KIAA1217: variants seen among roughly 807,000 people sequenced by gnomAD.
The protein encoded by KIAA1217 is sickle tail protein homolog.
KIAA1217 carries 88 observed loss-of-function variants against 163.9 expected under a neutral mutation model. The observed-to-expected ratio is 0.54, with a 90% confidence interval of 0.45 to 0.64. The LOEUF is 0.64. Ranked by LOEUF, KIAA1217 falls within the 30% of genes least tolerant of loss-of-function variation. The probability of loss-of-function intolerance (pLI) is 0.00; values close to 1 mark genes in which losing one functional copy is unlikely to be tolerated. For synonymous variants in KIAA1217, 903 were observed against 923.1 expected (o/e 0.98, Z 0.39); for missense variants, 2,372 against 2,475.0 (o/e 0.96, Z 0.88).
intron 2 of KIAA1217, among the ~76,000 whole-genome samples, chr10:24,013,612 A>G (rs1421005735): frequency 1.3e-5 from 2 of 152,162 alleles, no homozygotes. Flanking sequence ...GAGTGGCTCT[A>G]TTATGTGCAG....
At chr10:24,015,696 A>C (rs976898314) in intron 2 of KIAA1217, among the ~76,000 whole-genome samples, 1 of 151,326 alleles carries the variant, frequency 6.6e-6, no homozygotes, top group Non-Finnish European at 1.5e-5. Context: ...CAGAGGTTGC[A>C]GTGAGCCAAG....
At chr10:23,774,001 A>C (rs577031066) in intron 1 of KIAA1217, among the ~76,000 whole-genome samples, 31 of 152,260 alleles carry the variant, frequency 2.0e-4, no homozygotes, top group African/African-American at 7.2e-4. Flanking sequence ...ACTATGTTGA[A>C]TAGGAGTGGT....
At chr10:23,719,552 G>T (rs1377211838) in intron 1 of KIAA1217, among the ~76,000 whole-genome samples, 1 of 149,268 alleles carries the variant, frequency 6.7e-6, no homozygotes, top group African/African-American at 2.6e-5. Context: ...CTGCACTCCA[G>T]CCTGGGTGAC....
chr10:24,170,450 T>C (rs1243547441), intron 2 of KIAA1217, among the ~76,000 whole-genome samples: 2 of 152,236 alleles, frequency 1.3e-5, no homozygotes, highest in East Asian at 1.9e-4. Flanking sequence ...GGGAACTTCA[T>C]TATTTTCCTG....
intron 1 of KIAA1217, among the ~76,000 whole-genome samples, chr10:23,892,693 G>A (rs565800793): frequency 6.6e-6 from 1 of 151,876 alleles, no homozygotes; most frequent in African/African-American, 2.4e-5. Context: ...AATAATGATA[G>A]CTTATTTTTT....
chr10:23,839,846 G>A (rs1424305933), intron 1 of KIAA1217, among the ~76,000 whole-genome samples: 4 of 152,086 alleles, frequency 2.6e-5, no homozygotes, highest in Admixed American at 2.0e-4. Flanking sequence ...TGCTCCATTA[G>A]AAATCCCCCA....
At chr10:24,489,538 C>CA (rs745874004) in intron 6 of KIAA1217, among the ~76,000 whole-genome samples, 414 of 133,222 alleles carry the variant, frequency 3.1e-3, no homozygotes, top group South Asian at 8.0e-3. Flanking sequence ...AGTCTCTAGT[C>CA]AAAAAAAAAA....
chr10:24,115,381 G>C (rs1033073145), intron 2 of KIAA1217, among the ~76,000 whole-genome samples: 2 of 152,164 alleles, frequency 1.3e-5, no homozygotes, highest in African/African-American at 4.8e-5. Flanking sequence ...TGGAGTTTAG[G>C]AAAATTAAAG....
At chr10:24,243,659 T>TGC (rs1554770371) in intron 2 of KIAA1217, among the ~76,000 whole-genome samples, 1 of 151,088 alleles carries the variant, frequency 6.6e-6, no homozygotes, top group Non-Finnish European at 1.5e-5. Flanking sequence ...TATATATATA[T>TGC]ACACATCTAT....
chr10:24,251,731 G>C (rs1231015794), intron 2 of KIAA1217, among the ~76,000 whole-genome samples: 4 of 152,044 alleles, frequency 2.6e-5, no homozygotes, highest in Non-Finnish European at 5.9e-5. Context: ...TAGGGGCACT[G>C]TGGGGAGGTG....
intron 1 of KIAA1217, among the ~76,000 whole-genome samples, chr10:24,216,551 G>A (rs1403892217): frequency 6.6e-6 from 1 of 152,026 alleles, no homozygotes; most frequent in African/African-American, 2.4e-5. Flanking sequence ...GCATTGCTGG[G>A]TGTGATGGCT....
chr10:24,381,450 C>A (rs1433808127), intron 3 of KIAA1217, among the ~76,000 whole-genome samples: 1 of 152,212 alleles, frequency 6.6e-6, no homozygotes, highest in Non-Finnish European at 1.5e-5. Flanking sequence ...GATGAGCAAG[C>A]ATTACCGCCT....
chr10:24,187,364 T>G (rs1360478709), intron 2 of KIAA1217, among the ~76,000 whole-genome samples: 1 of 152,212 alleles, frequency 6.6e-6, no homozygotes, highest in Non-Finnish European at 1.5e-5. Flanking sequence ...GTCATTTATT[T>G]CCTTTCTCAG....
chr10:24,035,351 T>C (rs1382715743), intron 2 of KIAA1217, among the ~76,000 whole-genome samples: 2 of 152,212 alleles, frequency 1.3e-5, no homozygotes, highest in African/African-American at 4.8e-5. Context: ...TGCCACAGCC[T>C]GTAGCATTTT....
At position 24,352,554 on chromosome 10, in the gene KIAA1217, G is replaced by A. The variant is rs527613969; in HGVS notation, c.355-28315G>A. On this transcript the variant is annotated intron_variant, in intron 2 of 20. Transcript: ENST00000376454. ...CAAATGTTCCATCTGTTTAGACTCC[G>A]CTGTCTGCTCTGGATTTTAGAACAA... Among the ~76,000 whole-genome samples the A allele has an allele frequency of 1.8e-3, 276 of 152,068 alleles. 1 individual carries two copies. Among genetic ancestry groups the A allele is most frequent in the African/African-American group, 6.3e-3 (261 of 41,456 alleles).
chr10:24,244,462 T>G (rs1213020616), intron 2 of KIAA1217, among the ~76,000 whole-genome samples: 2 of 152,216 alleles, frequency 1.3e-5, no homozygotes, highest in East Asian at 1.9e-4. Context: ...ACCTTGCTTT[T>G]TCTCTTCAGA....
chr10:24,001,330 A>G (rs1260258153), intron 1 of KIAA1217, among the ~76,000 whole-genome samples: 1 of 152,230 alleles, frequency 6.6e-6, no homozygotes, highest in Non-Finnish European at 1.5e-5. Flanking sequence ...ATCAAACTGA[A>G]CTATGCGACA....
chr10:24,260,030 T>C (rs762352114), intron 2 of KIAA1217, among the ~76,000 whole-genome samples: 2 of 152,198 alleles, frequency 1.3e-5, no homozygotes, highest in African/African-American at 4.8e-5. Flanking sequence ...CTGTCTCTTG[T>C]AGGAAATGGA....
At chr10:24,397,754 A>G (rs1180454888) in intron 3 of KIAA1217, among the ~76,000 whole-genome samples, 1 of 152,164 alleles carries the variant, frequency 6.6e-6, no homozygotes, top group Non-Finnish European at 1.5e-5. Flanking sequence ...CATTCCAGCA[A>G]TGAAGCTGGA....
Sources: gnomAD v4.1 joint callset for allele counts (sites outside exome capture counted in the v4.1 genomes callset) on GRCh38, gnomAD v4.1.1 for gene constraint, MANE v1.5 for transcripts, NCBI Gene and HGNC (gene_info 2026-07-23, HGNC 2026-07-21) for gene names.